The following ARHGAP32 variants were observed in gnomAD, a reference collection of about 807,000 sequenced individuals.
The protein encoded by ARHGAP32 is Rho GTPase activating protein 32.
ARHGAP32 carries 51 observed loss-of-function variants against 186.5 expected under a neutral mutation model. That is an observed-to-expected ratio of 0.27 (90% CI 0.22 to 0.35). The LOEUF (loss-of-function observed/expected upper bound fraction) is 0.35. Ranked by LOEUF, ARHGAP32 falls within the 10% of genes least tolerant of loss-of-function variation. The pLI, the probability that ARHGAP32 is intolerant of heterozygous loss-of-function variation, is 1.00. For synonymous variants in ARHGAP32, 950 were observed against 964.3 expected, an observed-to-expected ratio of 0.99 and a Z score of 0.27; for missense variants, 2,186 against 2,623.5, an observed-to-expected ratio of 0.83 and a Z score of 3.64.
At chr11:129,019,613 A>C (rs1473389964) in intron 11 of ARHGAP32, among the ~76,000 whole-genome samples, 1 of 152,110 alleles carries the variant, frequency 6.6e-6, no homozygotes, top group Non-Finnish European at 1.5e-5. Flanking sequence ...TCTAATTATC[A>C]AGATAATTTA....
intron 1 of ARHGAP32, among the ~76,000 whole-genome samples, chr11:129,208,197 T>C (rs1007912318): frequency 6.6e-6 from 1 of 152,190 alleles, no homozygotes; most frequent in Non-Finnish European, 1.5e-5. Context: ...CAACTTATCT[T>C]AGAATGAATT....
In ARHGAP32 at chr11:128,969,979, G is replaced by A. The variant is rs372360136; in HGVS notation, c.5234C>T (p.Pro1745Leu). Residue 1745 changes from proline to leucine, a missense_variant, in exon 23 of 23, where the codon CCG becomes CTG. By Grantham distance (98) the Pro-to-Leu change is moderately conservative (BLOSUM62 -3). Around this residue, in one of 5 missense-constraint regions of ARHGAP32, gnomAD observed 1,502 missense variants for 1,570.0 expected, o/e 0.96. Coordinates refer to ENST00000682385, the MANE Select transcript of ARHGAP32 (RefSeq NM_001378024.1). This position sits in a 1 kb window ranked among gnomAD's most constrained non-coding sequence, Gnocchi z 4.8. ...GTAGGTGTGCTTCACATCAGCAGCC[G>A]GAGGCATGCTGACTACATTATGGTC... is the stretch of plus-strand genomic sequence containing the variant. ...PNDHNVVSMP[P>L]AADVKHTYTS... is the part of the protein sequence containing the mutation. 130 of 1,614,044 alleles carry A rather than the reference G, an allele frequency of 8.1e-5. 1 individual carries two copies. The highest frequency in any genetic ancestry group is 6.5e-4 in the Admixed American group (39 of 60,004).
chr11:129,148,723 AG>A (rs1181168521), intron 2 of ARHGAP32, among the ~76,000 whole-genome samples: 2 of 152,202 alleles, frequency 1.3e-5, no homozygotes, highest in Non-Finnish European at 2.9e-5. Flanking sequence ...CTTTCTCAGC[AG>A]GAAAGCTCAC....
intron 11 of ARHGAP32, among the ~76,000 whole-genome samples, chr11:128,999,267 C>T (rs1456221561): frequency 2.6e-5 from 4 of 152,172 alleles, no homozygotes; most frequent in Admixed American, 6.5e-5. Flanking sequence ...GGATGAAATA[C>T]GCCCTGGTCT....
At chr11:129,236,980 T>C (rs889036296) in intron 1 of ARHGAP32, among the ~76,000 whole-genome samples, 1 of 152,226 alleles carries the variant, frequency 6.6e-6, no homozygotes, top group Non-Finnish European at 1.5e-5. Flanking sequence ...TTTTGTCAAA[T>C]CCTTTTCTTG....
chr11:129,231,489 G>A (rs1944858119), intron 1 of ARHGAP32, among the ~76,000 whole-genome samples: 1 of 152,092 alleles, frequency 6.6e-6, no homozygotes, highest in Non-Finnish European at 1.5e-5. Context: ...GGGAAGTCCT[G>A]GTTCCAGTAA....
chr11:128,998,562 A>T, intron 11 of ARHGAP32, 94 bp from the exon 12 acceptor site: 1 of 877,794 alleles, frequency 1.1e-6, no homozygotes, highest in African/African-American at 1.7e-5. Context: ...GCTGACAGCA[A>T]AATAATCTAT....
intron 1 of ARHGAP32, among the ~76,000 whole-genome samples, chr11:129,277,672 G>C (rs1418151202): frequency 2.0e-5 from 3 of 152,132 alleles, no homozygotes; most frequent in Non-Finnish European, 4.4e-5. Context: ...ATTCCAACCT[G>C]ACATTTCCAT....
At position 128,965,696 on chromosome 11, in the gene ARHGAP32, T is replaced by G. The variant is rs1289247567; in HGVS notation, c.*3211A>C. 6.6e-6 allele frequency: 1 copy of G among 152,228 alleles called. No homozygotes were observed. Among genetic ancestry groups the G allele is most frequent in the Non-Finnish European group, 1.5e-5 (1 of 68,046 alleles). 9.4% of individuals were successfully genotyped at this position (152,228 alleles called of 1,614,324 possible). A position where few individuals can be genotyped will look rare whatever the true frequency, so the allele number is the denominator to read the frequency against. On this transcript the variant is annotated 3_prime_UTR_variant, in exon 23 of 23. Coordinates refer to ENST00000682385, the MANE Select transcript of ARHGAP32 (RefSeq NM_001378024.1). Reference sequence around the variant, plus strand: ...TACTTTTGCTTTCATTATTACTTTCTTACACATTCTGCTCAAGCAGTACTT... The same window carrying G: ...TACTTTTGCTTTCATTATTACTTTCGTACACATTCTGCTCAAGCAGTACTT...
intron 7 of ARHGAP32, 90 bp downstream of exon 7, chr11:129,066,641 C>T (rs1940699941): frequency 8.3e-7 from 1 of 1,211,582 alleles, no homozygotes; most frequent in Admixed American, 2.5e-5. Context: ...CCTGCGTGTT[C>T]AGTATAAGCT....
At chr11:129,096,542 CT>C (rs1190368348) in intron 5 of ARHGAP32, among the ~76,000 whole-genome samples, 7 of 152,180 alleles carry the variant, frequency 4.6e-5, no homozygotes, top group African/African-American at 1.7e-4. Context: ...CGCCCCGCCC[CT>C]GCCACCCCTA....
chr11:129,104,224 GAAGT>G (rs1333087417), intron 5 of ARHGAP32, among the ~76,000 whole-genome samples: 1 of 151,982 alleles, frequency 6.6e-6, no homozygotes, highest in Admixed American at 6.5e-5. Context: ...AATAAACTGA[GAAGT>G]AAGGTAGAAA....
At chr11:129,051,109 G>C (rs563886412) in intron 10 of ARHGAP32, among the ~76,000 whole-genome samples, 28 of 152,244 alleles carry the variant, frequency 1.8e-4, no homozygotes, top group African/African-American at 6.5e-4. Flanking sequence ...ACATACATGT[G>C]CATGTGTCTT....
chr11:129,154,242 A>G (rs147244719), intron 2 of ARHGAP32, among the ~76,000 whole-genome samples: 3 of 152,274 alleles, frequency 2.0e-5, no homozygotes, highest in East Asian at 1.9e-4. Flanking sequence ...AGATGTTGGC[A>G]TGGATGTGGT....
chr11:129,144,562 G>A (rs1565443166), intron 2 of ARHGAP32, among the ~76,000 whole-genome samples: 1 of 152,150 alleles, frequency 6.6e-6, no homozygotes, highest in Non-Finnish European at 1.5e-5. Context: ...ATCCTCCCAT[G>A]TGTTATCTAG....
At chr11:129,042,942 T>C (rs1714362440) in intron 10 of ARHGAP32, among the ~76,000 whole-genome samples, 1 of 152,170 alleles carries the variant, frequency 6.6e-6, no homozygotes, top group African/African-American at 2.4e-5. Context: ...TGCTTCAGGA[T>C]CTTAAGCCAT....
chr11:129,123,182 A>C lies in ARHGAP32; in HGVS notation c.444+264T>G, dbSNP rs890680210. On this transcript the variant is annotated intron_variant, in intron 5 of 22. Transcript: ENST00000682385. The surrounding 1 kb of genome is among the most constrained non-coding windows in gnomAD (Gnocchi z 4.6). ...TACACAAAGCCATGGACATATGGACATGATACAGGAAAACGGAGGGGGACA... is the reference window on the plus strand; with the variant it reads ...TACACAAAGCCATGGACATATGGACCTGATACAGGAAAACGGAGGGGGACA... Among the ~76,000 whole-genome samples, 3 of 152,170 alleles carry C rather than the reference A, an allele frequency of 2.0e-5. No individual in the cohort carries two copies. Among genetic ancestry groups the C allele is most frequent in the South Asian group, 4.1e-4 (2 of 4,830 alleles).
chr11:129,056,256 AACTAT>A (rs1387860434), intron 10 of ARHGAP32, among the ~76,000 whole-genome samples: 1 of 152,194 alleles, frequency 6.6e-6, no homozygotes, highest in African/African-American at 2.4e-5. Context: ...GTAAATCTGT[AACTAT>A]ACAAAAATCA....
chr11:129,133,082 A>G (rs1471104192), intron 2 of ARHGAP32, among the ~76,000 whole-genome samples: 1 of 152,150 alleles, frequency 6.6e-6, no homozygotes, highest in African/African-American at 2.4e-5. Context: ...AGCGGAAGGC[A>G]AAGAGGAAGG....
Sources: allele counts gnomAD v4.1 joint callset (sites outside exome capture counted in the v4.1 genomes callset), GRCh38; gene constraint gnomAD v4.1.1; regional missense constraint gnomAD v4.1.1; non-coding constraint Gnocchi (gnomAD v3.1); transcripts MANE v1.5; gene names NCBI Gene and HGNC (gene_info 2026-07-23, HGNC 2026-07-21).